Variants in FRMD4A observed in about 807,000 individuals in gnomAD.
FRMD4A encodes the protein FERM domain-containing protein 4A.
Under a neutral mutation model 129.1 loss-of-function variants are expected in FRMD4A, and 29 were observed. That is an observed-to-expected ratio of 0.22 (90% CI 0.17 to 0.31). The LOEUF (loss-of-function observed/expected upper bound fraction) is 0.31. Ranked by LOEUF, FRMD4A falls within the 10% of genes least tolerant of loss-of-function variation. The pLI is 1.00. For synonymous variants in FRMD4A, 634 were observed against 571.6 expected (o/e 1.11, Z -1.56); for missense variants, 1,272 against 1,375.8 (o/e 0.92, Z 1.19).
intron 5 of FRMD4A, among the ~76,000 whole-genome samples, chr10:13,794,404 A>AG (rs1215013091): frequency 6.6e-6 from 1 of 151,642 alleles, no homozygotes; most frequent in East Asian, 1.9e-4. Flanking sequence ...AAAAAAAAAA[A>AG]AAAAAAAATT....
At chr10:13,802,003 C>CA (rs11426622) in intron 4 of FRMD4A, among the ~76,000 whole-genome samples, 40,987 of 109,184 alleles carry the variant, frequency 0.38, 9,231 homozygotes, top group Non-Finnish European at 0.45. Flanking sequence ...AATAATAATG[C>CA]AAAAAAAAAA....
At chr10:14,216,655 A>T (rs1843085345) in intron 2 of FRMD4A, among the ~76,000 whole-genome samples, 1 of 152,166 alleles carries the variant, frequency 6.6e-6, no homozygotes, top group Non-Finnish European at 1.5e-5. Context: ...CCCGTTCGCC[A>T]GCAAGTCCTT....
chr10:13,720,594 A>C (rs951886062), intron 12 of FRMD4A, among the ~76,000 whole-genome samples: 1 of 152,222 alleles, frequency 6.6e-6, no homozygotes, highest in Admixed American at 6.5e-5. Flanking sequence ...GAAATAAATA[A>C]GAAAACTACG....
intron 12 of FRMD4A, among the ~76,000 whole-genome samples, chr10:13,726,909 T>G (rs1012571862): frequency 6.6e-6 from 1 of 151,188 alleles, no homozygotes; most frequent in South Asian, 2.1e-4. Flanking sequence ...TTTGCTTTTT[T>G]TTCTGAGACA....
intron 6 of FRMD4A, among the ~76,000 whole-genome samples, chr10:13,771,928 C>T (rs1379998252): frequency 6.6e-6 from 1 of 151,344 alleles, no homozygotes; most frequent in Non-Finnish European, 1.5e-5. Flanking sequence ...TGAAACAAAA[C>T]CAAACAAAAC....
At chr10:13,932,353 A>T (rs572915096) in intron 2 of FRMD4A, among the ~76,000 whole-genome samples, 1 of 151,866 alleles carries the variant, frequency 6.6e-6, no homozygotes, top group Admixed American at 6.6e-5. Context: ...CAACATCTCC[A>T]TTTTTTTCTG....
At position 13,707,940 on chromosome 10, in the gene FRMD4A, A is replaced by C. The variant is rs144937716; in HGVS notation, c.760-827T>G. On this transcript the variant is annotated intron_variant, in intron 12 of 24. Coordinates refer to ENST00000357447, the MANE Select transcript of FRMD4A (RefSeq NM_018027.5). ...TTGGAAGTAATTAGGGCTGCATCCA[A>C]TTGCTCCAGGAACGGGGTTCCTTTC... 98 of 968,398 alleles carry C rather than the reference A, an allele frequency of 1.0e-4. No individual in the cohort carries two copies. In the African/African-American group the frequency reaches 1.6e-3, roughly 16 times the overall value. The allele number at this position is 968,398 out of a possible 1,614,324, so 60.0% of individuals were successfully genotyped here. A position where few individuals can be genotyped will look rare whatever the true frequency, so the allele number is the denominator to read the frequency against.
intron 2 of FRMD4A, among the ~76,000 whole-genome samples, chr10:14,252,562 A>G (rs1404843890): frequency 6.6e-6 from 1 of 152,234 alleles, no homozygotes; most frequent in Non-Finnish European, 1.5e-5. Context: ...GATTCAGGTT[A>G]TGGCCCTTGG....
At chr10:14,050,339 C>T (rs1042948735) in intron 2 of FRMD4A, among the ~76,000 whole-genome samples, 2 of 152,164 alleles carry the variant, frequency 1.3e-5, no homozygotes, top group African/African-American at 4.8e-5. Flanking sequence ...ATTATTACCC[C>T]ATTTTGCAGA....
At chr10:13,698,253 T>C (rs969245150) in intron 14 of FRMD4A, among the ~76,000 whole-genome samples, 1 of 152,196 alleles carries the variant, frequency 6.6e-6, no homozygotes, top group African/African-American at 2.4e-5. Flanking sequence ...CTTGTCTCTC[T>C]AGGGTTGATA....
At chr10:13,866,572 AT>A (rs2094370294) in intron 2 of FRMD4A, among the ~76,000 whole-genome samples, 1 of 152,196 alleles carries the variant, frequency 6.6e-6, no homozygotes, top group Non-Finnish European at 1.5e-5. Context: ...CATAAAGCAC[AT>A]CACAGCCAGG....
At chr10:14,103,335 C>T (rs1837408620) in intron 2 of FRMD4A, among the ~76,000 whole-genome samples, 1 of 152,202 alleles carries the variant, frequency 6.6e-6, no homozygotes, top group African/African-American at 2.4e-5. Flanking sequence ...ATAGAAATCT[C>T]CTGAAACAGG....
intron 2 of FRMD4A, among the ~76,000 whole-genome samples, chr10:13,978,915 C>T (rs948784362): frequency 6.6e-6 from 1 of 152,136 alleles, no homozygotes; most frequent in East Asian, 1.9e-4. Flanking sequence ...CCCTCAAGCT[C>T]CACCCATGAT....
At chr10:13,948,334 G>A (rs1482697419) in intron 2 of FRMD4A, among the ~76,000 whole-genome samples, 2 of 152,120 alleles carry the variant, frequency 1.3e-5, no homozygotes, top group African/African-American at 4.8e-5. Flanking sequence ...TTACTGGTGT[G>A]AGCCACTGTG....
At chr10:13,972,738 A>G (rs944900461) in intron 2 of FRMD4A, among the ~76,000 whole-genome samples, 5 of 152,212 alleles carry the variant, frequency 3.3e-5, no homozygotes, top group Non-Finnish European at 7.3e-5. Flanking sequence ...TAAATTACAT[A>G]CCAAAAGGTG....
intron 2 of FRMD4A, among the ~76,000 whole-genome samples, chr10:13,967,270 G>A (rs1588609041): frequency 6.6e-6 from 1 of 152,320 alleles, no homozygotes; most frequent in East Asian, 1.9e-4. Flanking sequence ...CCGGGAGGCG[G>A]AGCTTGCGGT....
At chr10:13,907,374 T>C (rs2094892773) in intron 2 of FRMD4A, among the ~76,000 whole-genome samples, 1 of 152,220 alleles carries the variant, frequency 6.6e-6, no homozygotes, top group African/African-American at 2.4e-5. Context: ...CAGGTCTTGT[T>C]AATTCCAATT....
intron 5 of FRMD4A, among the ~76,000 whole-genome samples, chr10:13,788,054 A>G (rs542245793): frequency 1.3e-4 from 20 of 152,232 alleles, no homozygotes; most frequent in Admixed American, 4.6e-4. Context: ...TCGGATTCAG[A>G]GGGTCTGCAT....
chr10:13,695,872 T>C (rs1370775733), intron 14 of FRMD4A, among the ~76,000 whole-genome samples: 1 of 152,370 alleles, frequency 6.6e-6, no homozygotes, highest in East Asian at 1.9e-4. Context: ...CAGGGCTGTC[T>C]GAATGCCTGC....
Sources: allele counts gnomAD v4.1 joint callset (sites outside exome capture counted in the v4.1 genomes callset), GRCh38; gene constraint gnomAD v4.1.1; transcripts MANE v1.5; gene names NCBI Gene and HGNC (gene_info 2026-07-23, HGNC 2026-07-21).